The following KSR2 variants were observed in gnomAD, a reference collection of about 807,000 sequenced individuals.
The protein encoded by KSR2 is kinase suppressor of ras 2.
In KSR2, 25 loss-of-function variants were observed where a neutral mutation model predicts 107.8. The observed-to-expected ratio is 0.23, with a 90% CI of 0.17 to 0.32. The LOEUF is 0.32. Among genes scored for constraint, KSR2 ranks in the 10% least tolerant of loss-of-function variants. The probability of loss-of-function intolerance (pLI) is 1.00; values close to 1 mark genes in which losing one functional copy is unlikely to be tolerated. For synonymous variants in KSR2, 480 were observed against 507.0 expected, an observed-to-expected ratio of 0.95 and a Z score of 0.71; for missense variants, 887 against 1,268.9, an observed-to-expected ratio of 0.70 and a Z score of 4.57.
intron 9 of KSR2, among the ~76,000 whole-genome samples, chr12:117,542,545 C>G (rs572863490): frequency 3.9e-5 from 6 of 152,224 alleles, no homozygotes; most frequent in African/African-American, 1.4e-4. Flanking sequence ...TCATGTTGCC[C>G]GTTTATAGCC....
At chr12:117,701,064 T>C (rs957801064) in intron 4 of KSR2, among the ~76,000 whole-genome samples, 9 of 152,124 alleles carry the variant, frequency 5.9e-5, no homozygotes, top group African/African-American at 1.2e-4. Flanking sequence ...ATCTGCACAA[T>C]AGGAGGAAAA....
At chr12:117,468,804 T>C (rs1871279279) in intron 19 of KSR2, among the ~76,000 whole-genome samples, 1 of 152,238 alleles carries the variant, frequency 6.6e-6, no homozygotes, top group South Asian at 2.1e-4. Context: ...GGATGTGCGT[T>C]CATGGAATGT....
intron 5 of KSR2, among the ~76,000 whole-genome samples, chr12:117,635,794 C>CT (rs780731850): frequency 0.083 from 11,674 of 140,614 alleles, 561 homozygotes; most frequent in Middle Eastern, 0.12. Context: ...TGGTATGTTA[C>CT]TTTTTTTTTT....
chr12:117,745,968 G>A (rs1888391958), intron 4 of KSR2, among the ~76,000 whole-genome samples: 2 of 152,190 alleles, frequency 1.3e-5, no homozygotes, highest in East Asian at 3.8e-4. Flanking sequence ...CATGTTCATG[G>A]ACAGGAAGAA....
chr12:117,730,741 C>A (rs965697638), intron 4 of KSR2, among the ~76,000 whole-genome samples: 1 of 152,224 alleles, frequency 6.6e-6, no homozygotes, highest in Non-Finnish European at 1.5e-5. Flanking sequence ...AGCTCCTGAC[C>A]GCGAGTGATC....
chr12:117,890,966 C>T (rs1360093940), intron 1 of KSR2: 1 of 152,168 alleles, frequency 6.6e-6, no homozygotes, highest in Non-Finnish European at 1.5e-5. Flanking sequence ...TGGTTCATCA[C>T]TGTCATCCCT....
At chr12:117,488,105 C>T (rs547528646) in intron 14 of KSR2, among the ~76,000 whole-genome samples, 18 of 152,272 alleles carry the variant, frequency 1.2e-4, no homozygotes, top group Middle Eastern at 3.4e-3. Flanking sequence ...CCTGCACAAG[C>T]GCTCTTGCTT....
intron 5 of KSR2, among the ~76,000 whole-genome samples, chr12:117,625,025 G>A (rs1462910618): frequency 1.3e-5 from 2 of 152,112 alleles, no homozygotes; most frequent in Non-Finnish European, 2.9e-5. Flanking sequence ...TGGTGTATAG[G>A]AATGCTTGTG....
chr12:117,658,987 G>A (rs12815237), intron 5 of KSR2, among the ~76,000 whole-genome samples: 61,549 of 152,050 alleles, frequency 0.4, 14,459 homozygotes, highest in Non-Finnish European at 0.53. Context: ...CAGGGGCACT[G>A]ATAAGGAATA....
At chr12:117,732,348 G>A (rs906461376) in intron 4 of KSR2, among the ~76,000 whole-genome samples, 3 of 151,762 alleles carry the variant, frequency 2.0e-5, no homozygotes, top group Admixed American at 2.0e-4. Context: ...GAGTGCCATG[G>A]TGCCATCTCA....
In KSR2 at chr12:117,968,894, TG is replaced by T; in HGVS notation, c.-640del. On this transcript the variant is annotated 5_prime_UTR_variant, in exon 1 of 20. It introduces an in-frame stop codon into an upstream open reading frame of the 5' UTR. Coordinates refer to ENST00000339824, the MANE Select transcript of KSR2 (RefSeq NM_173598.6). ...GCTGGCTGCTGTCTCCTCCCCGCGC[TG>T]CTGCTGCTGCTGCTGCTGCCGCCGC... The T allele has an allele frequency of 4.5e-6, 1 of 221,862 alleles. No homozygotes were observed. 13.7% of individuals were successfully genotyped at this position (221,862 alleles called of 1,614,324 possible). A position where few individuals can be genotyped will look rare whatever the true frequency, so the allele number is the denominator to read the frequency against.
intron 1 of KSR2, among the ~76,000 whole-genome samples, chr12:117,879,870 AG>A (rs1893971665): frequency 1.3e-5 from 2 of 152,214 alleles, no homozygotes; most frequent in Admixed American, 1.3e-4. Flanking sequence ...TTATATGAAT[AG>A]GTCTGGGCAC....
intron 4 of KSR2, among the ~76,000 whole-genome samples, chr12:117,703,047 C>A (rs1487438489): frequency 6.6e-6 from 1 of 152,140 alleles, no homozygotes; most frequent in Non-Finnish European, 1.5e-5. Flanking sequence ...CTTATCGACT[C>A]TTTGGAAAAG....
chr12:117,570,529 A>G (rs943179784), intron 7 of KSR2, among the ~76,000 whole-genome samples: 3 of 152,250 alleles, frequency 2.0e-5, no homozygotes, highest in Non-Finnish European at 4.4e-5. Context: ...AGCAGAGAAC[A>G]AGAACTACAG....
intron 1 of KSR2, among the ~76,000 whole-genome samples, chr12:117,918,217 G>A (rs962275190): frequency 5.9e-5 from 9 of 152,170 alleles, no homozygotes; most frequent in African/African-American, 2.2e-4. Context: ...GGCTTCCTTG[G>A]CACCTCCGTG....
At chr12:117,585,352 T>G (rs1015358426) in intron 5 of KSR2, among the ~76,000 whole-genome samples, 2 of 152,138 alleles carry the variant, frequency 1.3e-5, no homozygotes, top group African/African-American at 4.8e-5. Flanking sequence ...CACTATTAGG[T>G]TCATAGCCTA....
intron 1 of KSR2, among the ~76,000 whole-genome samples, chr12:117,939,297 T>A (rs1223141214): frequency 6.6e-6 from 1 of 152,206 alleles, no homozygotes; most frequent in Admixed American, 6.5e-5. Context: ...GGTTTGGGAA[T>A]TGCTTCACAA....
Position 117,525,064 on chromosome 12 carries a change from G to A in KSR2, c.2007C>T (p.Gly669=). The change falls in exon 14 of 20, where the codon GGC becomes GGT. Residue 669 remains glycine, a synonymous_variant. Coordinates refer to ENST00000339824, the MANE Select transcript of KSR2 (RefSeq NM_173598.6). ...WDIPFEQLEI[G]ELIGKGRFGQ... ...CAAAGCGGCCCTTTCCAATGAGCTC[G>A]CCGATCTCCAGCTGCTCAAAGGGGA... The A allele has an allele frequency of 6.2e-7, 1 of 1,613,928 alleles. No individual in the cohort carries two copies. The highest frequency in any genetic ancestry group is 8.5e-7 in the Non-Finnish European group (1 of 1,179,882).
intron 4 of KSR2, among the ~76,000 whole-genome samples, chr12:117,688,568 A>G (rs544028668): frequency 2.6e-5 from 4 of 152,306 alleles, no homozygotes; most frequent in East Asian, 1.9e-4. Flanking sequence ...CCAGTGTCCA[A>G]TTGGCAGGTT....
Sources: gnomAD v4.1 joint callset for allele counts (sites outside exome capture counted in the v4.1 genomes callset) on GRCh38, gnomAD v4.1.1 for gene constraint, MANE v1.5 for transcripts, NCBI Gene and HGNC (gene_info 2026-07-23, HGNC 2026-07-21) for gene names.